The following UNC13B variants were observed in gnomAD, a reference collection of about 807,000 sequenced individuals.
UNC13B encodes protein unc-13 homolog B.
Under a neutral mutation model 211.0 loss-of-function variants are expected in UNC13B, and 144 were observed. The ratio of observed to expected loss-of-function variants is 0.68; its 90% CI spans 0.60 to 0.78. The LOEUF is 0.78. Ranked by LOEUF, UNC13B falls within the 30% of genes least tolerant of loss-of-function variation. UNC13B has a pLI of 0.00. For missense variants in UNC13B, 1,777 were observed against 2,002.0 expected (o/e 0.89, Z 2.14); for synonymous variants, 709 against 725.8 (o/e 0.98, Z 0.37).
intron 26 of UNC13B, among the ~76,000 whole-genome samples, chr9:35,391,795 G>C (rs1835552485): frequency 6.6e-6 from 1 of 152,144 alleles, no homozygotes; most frequent in African/African-American, 2.4e-5. Context: ...TGTGAGGTGG[G>C]GCAGAGGTTT....
At chr9:35,295,569 C>A (rs1386997290) in intron 7 of UNC13B, 127 bp from the exon 8 acceptor site, 4 of 791,642 alleles carry the variant, frequency 5.1e-6, no homozygotes, top group Non-Finnish European at 8.1e-6. Context: ...CGTCACTGGG[C>A]TCATGTGAAG....
chr9:35,364,508 C>A, intron 11 of UNC13B: 5 of 1,535,806 alleles, frequency 3.3e-6, no homozygotes, highest in Non-Finnish European at 4.4e-6. Flanking sequence ...CTCTACTAAC[C>A]TTTCTGCCCT....
At chr9:35,197,252 G>C (rs1822995984) in intron 1 of UNC13B, among the ~76,000 whole-genome samples, 1 of 151,906 alleles carries the variant, frequency 6.6e-6, no homozygotes, top group African/African-American at 2.4e-5. Context: ...CTCTCACCGA[G>C]GCTGGGGGGC....
At chr9:35,185,095 G>A (rs767576856) in intron 1 of UNC13B, among the ~76,000 whole-genome samples, 1 of 152,066 alleles carries the variant, frequency 6.6e-6, no homozygotes, top group Non-Finnish European at 1.5e-5. Context: ...CCTCCTCTTA[G>A]ATTTTATTTA....
chr9:35,352,216 T>C (rs916519876), intron 11 of UNC13B: 1 of 1,231,988 alleles, frequency 8.1e-7, no homozygotes, highest in African/African-American at 1.6e-5. Flanking sequence ...CTGAACAAGA[T>C]GGAGAAAATA....
chr9:35,194,532 G>A (rs1822835082), intron 1 of UNC13B, among the ~76,000 whole-genome samples: 2 of 152,308 alleles, frequency 1.3e-5, no homozygotes, highest in Middle Eastern at 3.4e-3. Context: ...GCAACCCATG[G>A]GTGCTGGGGG....
intron 1 of UNC13B, among the ~76,000 whole-genome samples, chr9:35,188,432 A>C (rs924060589): frequency 6.6e-6 from 1 of 152,238 alleles, no homozygotes; most frequent in South Asian, 2.1e-4. Flanking sequence ...ATACTTAGAC[A>C]TTAGAATTTT....
intron 18 of UNC13B, 114 bp from the exon 19 acceptor site, chr9:35,380,986 G>C: frequency 1.0e-6 from 1 of 967,338 alleles, no homozygotes; most frequent in Non-Finnish European, 1.5e-6. Flanking sequence ...TCCTTGGGTT[G>C]GCCCCTTCTT....
rs1279394493 is a variant in UNC13B, at chr9:35,345,243, T to TG, written c.9415-21698dup. ...TAAAGATGATAAGACAGACTTTATGTGGGGGGACGACAATACTGGGGTTTT... is the reference window on the plus strand; with the variant it reads ...TAAAGATGATAAGACAGACTTTATGTGGGGGGGACGACAATACTGGGGTTTT... On this transcript the variant is annotated intron_variant, in intron 11 of 39. Coordinates refer to ENST00000635942, the MANE Select transcript of UNC13B (RefSeq NM_001371189.2). Among the ~76,000 whole-genome samples the TG allele has an allele frequency of 2.0e-5, 3 of 152,146 alleles. No individual in the cohort carries two copies. In the East Asian group the frequency reaches 5.8e-4, roughly 29 times the overall value.
rs1447026061 is a variant in UNC13B, at chr9:35,301,234, A to G, written c.1830A>G (p.Ile610Met). Residue 610 changes from isoleucine (I) to methionine (M), a missense_variant, in exon 9 of 40, where the codon ATA (isoleucine) becomes ATG (methionine). Transcript: ENST00000635942. The stretch of plus-strand genomic sequence containing the variant: ...CTCAAAAAGATGATAATGTGAATAT[A>G]GACAGACATAGAAAAACCTCTGAAA... The part of the protein sequence containing the change: ...LSSQKDDNVN[I>M]DRHRKTSENE... The G allele has an allele frequency of 7.5e-6, 3 of 398,826 alleles. No individual in the cohort carries two copies. Among genetic ancestry groups the G allele is most frequent in the African/African-American group, 2.1e-5 (1 of 48,646 alleles). The allele number at this position is 398,826 out of a possible 1,614,324, so 24.7% of individuals were successfully genotyped here. A position where few individuals can be genotyped will look rare whatever the true frequency, so the allele number is the denominator to read the frequency against.
chr9:35,178,885 C>CAAAAAAAAAAAAAAAAAAAAAAAA (rs35487632), intron 1 of UNC13B, among the ~76,000 whole-genome samples: 2 of 61,120 alleles, frequency 3.3e-5, no homozygotes, highest in Non-Finnish European at 6.0e-5. Context: ...GAGACAGCCT[C>CAAAAAAAAAAAAAAAAAAAAAAAA]AAAAAAAAAA....
At chr9:35,180,244 G>C (rs954391527) in intron 1 of UNC13B, among the ~76,000 whole-genome samples, 1 of 151,900 alleles carries the variant, frequency 6.6e-6, no homozygotes, top group Non-Finnish European at 1.5e-5. Flanking sequence ...AAATTTTATT[G>C]ATTTTTGGAG....
At chr9:35,169,906 G>A (rs1821243521) in intron 1 of UNC13B, among the ~76,000 whole-genome samples, 1 of 152,172 alleles carries the variant, frequency 6.6e-6, no homozygotes, top group African/African-American at 2.4e-5. Context: ...TTTGGGCTGT[G>A]TATCATTAGT....
intron 28 of UNC13B, 59 bp downstream of exon 28, chr9:35,396,996 T>TG: frequency 6.2e-7 from 1 of 1,609,046 alleles, no homozygotes; most frequent in South Asian, 1.1e-5. Context: ...AATTAGCTAT[T>TG]GGCAGAAGTT....
rs1466308202 is a variant in UNC13B at position 35,378,361 on chromosome 9, A to C, written c.10130A>C (p.Gln3377Pro). 4.3e-6 allele frequency: 7 copies of C among 1,614,026 alleles called. No homozygotes were observed. The highest frequency in any genetic ancestry group is 8.5e-7 in the Non-Finnish European group (1 of 1,180,032). ...TCCAGTGACCCTTACGTGACTGTGCAAGTCAGCAAAACTAAGAAGCGTACC... is the reference window on the plus strand; with the variant it reads ...TCCAGTGACCCTTACGTGACTGTGCCAGTCAGCAAAACTAAGAAGCGTACC... Reference protein sequence around the residue: ...TGSSDPYVTVQVSKTKKRTKT... With the variant: ...TGSSDPYVTVPVSKTKKRTKT... The change falls in exon 17 of 40, where the codon CAA (glutamine) becomes CCA (proline). Residue 3377 changes from glutamine to proline, a missense_variant. Coordinates refer to ENST00000635942, the MANE Select transcript of UNC13B (RefSeq NM_001371189.2).
At chr9:35,394,901 G>C (rs1202948624) in intron 26 of UNC13B, among the ~76,000 whole-genome samples, 1 of 152,184 alleles carries the variant, frequency 6.6e-6, no homozygotes, top group African/African-American at 2.4e-5. Context: ...TTAGGGATAG[G>C]GGCCAGAGTG....
intron 7 of UNC13B, among the ~76,000 whole-genome samples, chr9:35,290,708 A>G (rs1187573083): frequency 6.6e-6 from 1 of 151,704 alleles, no homozygotes; most frequent in Non-Finnish European, 1.5e-5. Flanking sequence ...AATTTTTCTT[A>G]TTTTGACAAA....
At chr9:35,219,521 G>A (rs1284481057) in intron 1 of UNC13B, among the ~76,000 whole-genome samples, 1 of 151,580 alleles carries the variant, frequency 6.6e-6, no homozygotes, top group Non-Finnish European at 1.5e-5. Context: ...GGAGGCTAAG[G>A]CAGGAGGATT....
chr9:35,358,462 T>C (rs139147598), intron 11 of UNC13B, among the ~76,000 whole-genome samples: 13 of 152,294 alleles, frequency 8.5e-5, no homozygotes, highest in African/African-American at 2.9e-4. Flanking sequence ...TCTTCAACAC[T>C]TGTTATTTTC....
Sources: allele counts gnomAD v4.1 joint callset (sites outside exome capture counted in the v4.1 genomes callset), GRCh38; gene constraint gnomAD v4.1.1; transcripts MANE v1.5; gene names NCBI Gene and HGNC (gene_info 2026-07-23, HGNC 2026-07-21).